IGSF3: variants seen among roughly 807,000 people sequenced by gnomAD.
IGSF3 encodes immunoglobulin superfamily member 3.
Under a neutral mutation model 114.4 loss-of-function variants are expected in IGSF3, and 23 were observed. That is an observed-to-expected ratio of 0.20 (90% confidence interval 0.14 to 0.28). IGSF3 has a LOEUF of 0.28. Among genes scored for constraint, IGSF3 ranks in the 10% least tolerant of loss-of-function variants. The pLI is 1.00. For missense variants in IGSF3, 1,172 were observed against 1,591.5 expected (o/e 0.74, Z 4.48); for synonymous variants, 571 against 645.2 (o/e 0.88, Z 1.74).
intron 7 of IGSF3, among the ~76,000 whole-genome samples, chr1:116,597,016 G>A (rs976909700): frequency 3.9e-5 from 6 of 152,200 alleles, no homozygotes; most frequent in Non-Finnish European, 8.8e-5. Context: ...TAAAGGACAC[G>A]ATTAACTGAA....
In IGSF3 at chr1:116,605,937, T is replaced by C. The variant is rs1166360545; in HGVS notation, c.1223-1912A>G. ...GCTACTGTTTGGTGGTGTCTGTTGCTTGAGCAAGCCTGGAAACCCACATAG... is the reference window on the plus strand; with the variant it reads ...GCTACTGTTTGGTGGTGTCTGTTGCCTGAGCAAGCCTGGAAACCCACATAG... On this transcript the variant is annotated intron_variant, in intron 5 of 10. Transcript: ENST00000369486. This position sits in a 1 kb window ranked among gnomAD's most constrained non-coding sequence, Gnocchi z 5.1. Among the ~76,000 whole-genome samples the C allele has an allele frequency of 6.6e-6, 1 of 152,180 alleles. No individual in the cohort carries two copies. The highest frequency in any genetic ancestry group is 1.5e-5 in the Non-Finnish European group (1 of 68,038).
At chr1:116,637,485 T>G (rs1203546820) in intron 2 of IGSF3, among the ~76,000 whole-genome samples, 1 of 152,224 alleles carries the variant, frequency 6.6e-6, no homozygotes, top group Non-Finnish European at 1.5e-5. Context: ...CCAGTTTGTT[T>G]CCGTCCTTCA....
intron 4 of IGSF3, among the ~76,000 whole-genome samples, chr1:116,613,049 C>T (rs924068537): frequency 6.6e-6 from 1 of 152,184 alleles, no homozygotes; most frequent in African/African-American, 2.4e-5. Flanking sequence ...CTTAAGAAAA[C>T]ATCTACAGTG....
chr1:116,600,257 G>C lies in IGSF3; in HGVS notation c.1713C>G (p.His571Gln). The change falls in exon 7 of 11, where the codon CAC becomes CAG. Residue 571 changes from histidine to glutamine, a missense_variant. This residue lies in a region of IGSF3 where 736 missense variants were observed against 1,042.0 expected (regional missense o/e 0.71). Coordinates refer to ENST00000369486, the MANE Select transcript of IGSF3 (RefSeq NM_001007237.3). This position sits in a 1 kb window ranked among gnomAD's most constrained non-coding sequence, Gnocchi z 5.5. ...CCGACACGGGGACCCAGGCAGGGTAGTGGGGTTTGATGATACACTGCAAGT... is the reference window on the plus strand; with the variant it reads ...CCGACACGGGGACCCAGGCAGGGTACTGGGGTTTGATGATACACTGCAAGT... ...SFDLQCIIKPHYPAWVPVSVT... is the reference protein window; with the variant it reads ...SFDLQCIIKPQYPAWVPVSVT... The C allele has an allele frequency of 6.2e-7, 1 of 1,614,178 alleles. No homozygotes were observed. Among genetic ancestry groups the C allele is most frequent in the Non-Finnish European group, 8.5e-7 (1 of 1,180,034 alleles).
rs570605294 is a variant in IGSF3, at chr1:116,659,447, C to G, written c.43+6837G>C. Reference sequence around the variant, plus strand: ...CACAAATATAAGCTTGATTTTGATGCAACCACTCATTTCTTTGAAAATCAG... The same window carrying G: ...CACAAATATAAGCTTGATTTTGATGGAACCACTCATTTCTTTGAAAATCAG... On this transcript the variant is annotated intron_variant, in intron 2 of 10. Transcript: ENST00000369486. Among the ~76,000 whole-genome samples, 160 of 152,190 alleles carry G rather than the reference C, an allele frequency of 1.1e-3. 1 individual carries two copies. Among genetic ancestry groups the G allele is most frequent in the African/African-American group, 3.6e-3 (151 of 41,502 alleles).
rs1661054516 is a variant in IGSF3 at position 116,612,384 on chromosome 1, T to C, written c.832+1381A>G. On this transcript the variant is annotated intron_variant, in intron 4 of 10. Coordinates refer to ENST00000369486, the MANE Select transcript of IGSF3 (RefSeq NM_001007237.3). The surrounding 1 kb of genome is among the most constrained non-coding windows in gnomAD (Gnocchi z 4.1). ...ACTTATTAAAGTGATGTCCAGAGAA[T>C]TGCTTCTGCCCTAGAAGCTTTGCTT... Among the ~76,000 whole-genome samples, 1 of 152,066 alleles carries C rather than the reference T, an allele frequency of 6.6e-6. No homozygotes were observed. Among genetic ancestry groups the C allele is most frequent in the East Asian group, 1.9e-4 (1 of 5,178 alleles).
chr1:116,577,376 A>C lies in IGSF3; in HGVS notation c.3521T>G (p.Leu1174Arg). The stretch of plus-strand genomic sequence containing the variant: ...CTCCAGGCAAGTAGGGGAGTAGTTG[A>C]GGTGTGGCTCTTTGATCCACAGCAG... ...VPLLWIKEPHLNYSPTCLEPP... is the reference protein window; with the variant it reads ...VPLLWIKEPHRNYSPTCLEPP... Residue 1174 changes from leucine to arginine, a missense_variant, in exon 11 of 11, where the codon CTC becomes CGC. Around this residue, in one of 3 missense-constraint regions of IGSF3, gnomAD observed 423 missense variants for 509.8 expected, o/e 0.83. Coordinates refer to ENST00000369486, the MANE Select transcript of IGSF3 (RefSeq NM_001007237.3). This position sits in a 1 kb window ranked among gnomAD's most constrained non-coding sequence, Gnocchi z 5.7. 1 of 1,614,136 alleles carries C rather than the reference A, an allele frequency of 6.2e-7. No individual in the cohort carries two copies. The highest frequency in any genetic ancestry group is 8.5e-7 in the Non-Finnish European group (1 of 1,180,000).
Position 116,616,326 on chromosome 1 carries a change from T to C in IGSF3, c.175A>G (p.Ile59Val), listed in dbSNP as rs1661216866. 1 of 1,612,184 alleles carries C rather than the reference T, an allele frequency of 6.2e-7. No homozygotes were observed. The highest frequency in any genetic ancestry group is 8.5e-7 in the Non-Finnish European group (1 of 1,179,940). The change falls in exon 3 of 11, where the codon ATT becomes GTT. Residue 59 changes from isoleucine (I) to valine (V), a missense_variant. Ile to Val is a conservative substitution (Grantham distance 29). Coordinates refer to ENST00000369486, the MANE Select transcript of IGSF3 (RefSeq NM_001007237.3). This position sits in a 1 kb window ranked among gnomAD's most constrained non-coding sequence, Gnocchi z 6.6. The part of the protein sequence containing the change: ...GPSEQNFQWS[I>V]YLPSSPEREV... ...CGCTCTGGCGACGAAGGCAGGTAAA[T>C]GGACCACTGGAAATTCTGCTCAGAA...
At position 116,612,325 on chromosome 1, in the gene IGSF3, C is replaced by T. The variant is rs1409974412; in HGVS notation, c.832+1440G>A. On this transcript the variant is annotated intron_variant, in intron 4 of 10. Coordinates refer to ENST00000369486, the MANE Select transcript of IGSF3 (RefSeq NM_001007237.3). This position sits in a 1 kb window ranked among gnomAD's most constrained non-coding sequence, Gnocchi z 4.1. ...ATAAAGTGCTCCCTATCCCTACCAACCCCTACGGTAAAAGATTTCACATCC... is the reference window on the plus strand; with the variant it reads ...ATAAAGTGCTCCCTATCCCTACCAATCCCTACGGTAAAAGATTTCACATCC... Among the ~76,000 whole-genome samples the T allele has an allele frequency of 6.6e-6, 1 of 152,134 alleles. No homozygotes were observed. Among genetic ancestry groups the T allele is most frequent in the Non-Finnish European group, 1.5e-5 (1 of 68,038 alleles).
rs758032112 is a variant in IGSF3, at chr1:116,579,768, G to A, written c.2958C>T (p.Phe986=). Residue 986 remains phenylalanine, a synonymous_variant, in exon 10 of 11, where the codon TTC becomes TTT. Transcript: ENST00000369486. The surrounding 1 kb of genome is among the most constrained non-coding windows in gnomAD (Gnocchi z 6.4). ...TCCTCAGGGAATACCAGGCCACAGC[G>A]AAGCGGGAGTCCTGGCTGGAGCGGG... ...IVSRSSQDSR[F]AVAWYSLRTK... The A allele has an allele frequency of 1.9e-5, 31 of 1,613,856 alleles. No individual in the cohort carries two copies. The highest frequency in any genetic ancestry group is 4.5e-5 in the East Asian group (2 of 44,880).
Position 116,659,435 on chromosome 1 carries a change from T to C in IGSF3, c.43+6849A>G, listed in dbSNP as rs1649018365. Among the ~76,000 whole-genome samples the C allele has an allele frequency of 3.3e-5, 5 of 152,232 alleles. No individual in the cohort carries two copies. In the South Asian group the frequency reaches 1.0e-3, roughly 32 times the overall value. Reference sequence around the variant, plus strand: ...CATGTGATTTTCCACAAATATAAGCTTGATTTTGATGCAACCACTCATTTC... The same window carrying C: ...CATGTGATTTTCCACAAATATAAGCCTGATTTTGATGCAACCACTCATTTC... On this transcript the variant is annotated intron_variant, in intron 2 of 10. Transcript: ENST00000369486.
intron 2 of IGSF3, among the ~76,000 whole-genome samples, chr1:116,641,495 C>CAAAAAAAAAAAAAAAAAAA (rs57930787): frequency 2.5e-5 from 1 of 40,694 alleles, no homozygotes; most frequent in African/African-American, 8.8e-5. Context: ...GACTCTGTCT[C>CAAAAAAAAAAAAAAAAAAA]AAAAAAAAAA....
In IGSF3 at chr1:116,624,145, C is replaced by T. The variant is rs1041903788; in HGVS notation, c.44-7688G>A. On this transcript the variant is annotated intron_variant, in intron 2 of 10. Transcript: ENST00000369486. This position sits in a 1 kb window ranked among gnomAD's most constrained non-coding sequence, Gnocchi z 4.9. ...CTCGAGCCTGGGAGGCCGAGGCTGC[C>T]GTGAACAATGATTGTGCCACTGCAC... Among the ~76,000 whole-genome samples, 15 of 150,964 alleles carry T rather than the reference C, an allele frequency of 9.9e-5. No homozygotes were observed. Among genetic ancestry groups the T allele is most frequent in the African/African-American group, 3.4e-4 (14 of 41,010 alleles).
intron 4 of IGSF3, 143 bp downstream of exon 4, chr1:116,613,622 C>G: frequency 2.5e-6 from 2 of 789,988 alleles, no homozygotes; most frequent in South Asian, 1.8e-5. Context: ...TCCCTCCAGC[C>G]GCACACAAGA....
Position 116,655,416 on chromosome 1 carries a change from G to A in IGSF3, c.43+10868C>T, listed in dbSNP as rs1313875445. 6.6e-6 allele frequency among the ~76,000 whole-genome samples: 1 copy of A among 152,214 alleles called. No individual in the cohort carries two copies. The highest frequency in any genetic ancestry group is 2.4e-5 in the African/African-American group (1 of 41,458). ...AACTATTTTAAAAATCAGGTCTAAA[G>A]GTGAGCCATCCAAGAAACTGCTCTT... On this transcript the variant is annotated intron_variant, in intron 2 of 10. Coordinates refer to ENST00000369486, the MANE Select transcript of IGSF3 (RefSeq NM_001007237.3). The surrounding 1 kb of genome is among the most constrained non-coding windows in gnomAD (Gnocchi z 4.3).
intron 8 of IGSF3, among the ~76,000 whole-genome samples, chr1:116,587,092 G>A (rs932032098): frequency 7.9e-5 from 12 of 152,006 alleles, no homozygotes; most frequent in East Asian, 1.9e-4. Flanking sequence ...GTTTGGTATC[G>A]GGTTCCACTG....
Position 116,598,837 on chromosome 1 carries a change from G to A in IGSF3, c.2029+1104C>T, listed in dbSNP as rs543502722. On this transcript the variant is annotated intron_variant, in intron 7 of 10. Transcript: ENST00000369486. The surrounding 1 kb of genome is among the most constrained non-coding windows in gnomAD (Gnocchi z 4.3). The stretch of plus-strand genomic sequence containing the variant: ...CTGGCAGGAGACAAGGACAGATGCA[G>A]GAAAACCATAAGAGCTGCATGTACT... 6.6e-6 allele frequency among the ~76,000 whole-genome samples: 1 copy of A among 152,354 alleles called. No individual in the cohort carries two copies. Among genetic ancestry groups the A allele is most frequent in the African/African-American group, 2.4e-5 (1 of 41,580 alleles).
rs1361452984 is a variant in IGSF3 at position 116,598,460 on chromosome 1, G to GGAAC, written c.2029+1477_2029+1480dup. 6.6e-6 allele frequency among the ~76,000 whole-genome samples: 1 copy of GGAAC among 152,140 alleles called. No individual in the cohort carries two copies. Among genetic ancestry groups the GGAAC allele is most frequent in the Non-Finnish European group, 1.5e-5 (1 of 68,032 alleles). ...GAAGTTTAGGCTGTCATTGGCCAAG[G>GGAAC]GAACAGTCTCGTCATTTATACAACT... On this transcript the variant is annotated intron_variant, in intron 7 of 10. Transcript: ENST00000369486. The surrounding 1 kb of genome is among the most constrained non-coding windows in gnomAD (Gnocchi z 4.3).
At chr1:116,620,107 C>G (rs894131535) in intron 2 of IGSF3, among the ~76,000 whole-genome samples, 3 of 151,988 alleles carry the variant, frequency 2.0e-5, no homozygotes, top group Non-Finnish European at 2.9e-5. Flanking sequence ...GTCTTTGTCC[C>G]CAGTTCCTGG....
Sources: gnomAD v4.1 joint callset for allele counts (sites outside exome capture counted in the v4.1 genomes callset) on GRCh38, gnomAD v4.1.1 for gene constraint, gnomAD v4.1.1 regional missense constraint, Gnocchi (gnomAD v3.1) non-coding constraint, MANE v1.5 for transcripts, NCBI Gene and HGNC (gene_info 2026-07-23, HGNC 2026-07-21) for gene names.